RIC1: variants seen among roughly 807,000 people sequenced by gnomAD.
RIC1 encodes RIC1 partner of RAB6A GEF complex.
In RIC1, 88 loss-of-function variants were observed where a neutral mutation model predicts 169.0. The observed-to-expected ratio is 0.52, with a 90% CI of 0.44 to 0.62. The LOEUF (loss-of-function observed/expected upper bound fraction) is 0.62, where lower values mean the gene tolerates loss of function less well. RIC1 is among the 20% of genes least tolerant of loss of function. The pLI is 0.00. For missense variants in RIC1, 1,877 were observed against 1,725.5 expected, an observed-to-expected ratio of 1.09 and a Z score of -1.56; for synonymous variants, 790 against 601.5, an observed-to-expected ratio of 1.31 and a Z score of -4.59.
intron 17 of RIC1, among the ~76,000 whole-genome samples, chr9:5,758,777 ACT>A (rs1826163662): frequency 8.5e-6 from 1 of 117,646 alleles, no homozygotes; most frequent in Non-Finnish European, 1.6e-5. Flanking sequence ...ATGGAGTCTC[ACT>A]CTATCGCCAG....
intron 17 of RIC1, among the ~76,000 whole-genome samples, chr9:5,758,483 C>G (rs1826137411): frequency 6.6e-6 from 1 of 152,314 alleles, no homozygotes; most frequent in East Asian, 1.9e-4. Flanking sequence ...TTATATGAAT[C>G]TAAAATCAAT....
At chr9:5,717,587 A>T (rs865836604) in intron 4 of RIC1, among the ~76,000 whole-genome samples, 1 of 152,154 alleles carries the variant, frequency 6.6e-6, no homozygotes, top group African/African-American at 2.4e-5. Context: ...GCTCACACCT[A>T]TAATCCCAGC....
chr9:5,726,585 A>G (rs1362348711), intron 6 of RIC1, among the ~76,000 whole-genome samples: 1 of 152,152 alleles, frequency 6.6e-6, no homozygotes, highest in African/African-American at 2.4e-5. Context: ...TGTGAATTTG[A>G]TCCTGTCATT....
chr9:5,629,201 C>A lies in RIC1; in HGVS notation c.-109C>A. The A allele has an allele frequency of 8.6e-7, 1 of 1,164,592 alleles. No individual in the cohort carries two copies. 72.1% of individuals were successfully genotyped at this position (1,164,592 alleles called of 1,614,324 possible). A position where few individuals can be genotyped will look rare whatever the true frequency, so the allele number is the denominator to read the frequency against. ...AGCGGGCAGATGCCCCGAGCTGCCG[C>A]CGCCGCCGCCGCCGACTCGGCCGGT... On this transcript the variant is annotated 5_prime_UTR_variant, in exon 1 of 26. Coordinates refer to ENST00000414202, the MANE Select transcript of RIC1 (RefSeq NM_020829.4).
Position 5,724,082 on chromosome 9 carries a change from C to T in RIC1, c.720+3332C>T, listed in dbSNP as rs569001105. ...CATATGAACTTTAAAGTAGTTTTTTCCAACTCTGTGAAGAAAGTCATTGGT... is the reference window on the plus strand; with the variant it reads ...CATATGAACTTTAAAGTAGTTTTTTTCAACTCTGTGAAGAAAGTCATTGGT... On this transcript the variant is annotated intron_variant, in intron 6 of 25. Transcript: ENST00000414202. Among the ~76,000 whole-genome samples the T allele has an allele frequency of 2.6e-3, 395 of 152,198 alleles. 2 individuals carry two copies. Among genetic ancestry groups the T allele is most frequent in the Middle Eastern group, 3.4e-3 (1 of 294 alleles).
At position 5,649,508 on chromosome 9, in the gene RIC1, G is replaced by A. The variant is rs577435686; in HGVS notation, c.145-7075G>A. ...TTTTATTCCACTTAGTGAATTCTTCGGTTTGAGGATTTCTGTTTGGTTCCT... is the reference window on the plus strand; with the variant it reads ...TTTTATTCCACTTAGTGAATTCTTCAGTTTGAGGATTTCTGTTTGGTTCCT... On this transcript the variant is annotated intron_variant, in intron 1 of 25. Coordinates refer to ENST00000414202, the MANE Select transcript of RIC1 (RefSeq NM_020829.4). Among the ~76,000 whole-genome samples, 24 of 151,978 alleles carry A rather than the reference G, an allele frequency of 1.6e-4. No individual in the cohort carries two copies. In the South Asian group the frequency reaches 2.3e-3, roughly 14 times the overall value.
chr9:5,639,825 A>G (rs2130299314), intron 1 of RIC1, among the ~76,000 whole-genome samples: 1 of 152,348 alleles, frequency 6.6e-6, no homozygotes, highest in South Asian at 2.1e-4. Context: ...TTCTCAGTAT[A>G]TAATGACATT....
intron 1 of RIC1, among the ~76,000 whole-genome samples, chr9:5,636,305 G>T (rs1347047245): frequency 1.3e-5 from 2 of 152,022 alleles, no homozygotes; most frequent in African/African-American, 4.8e-5. Context: ...ACCATAAATG[G>T]TATTGTTTTC....
rs80330707 is a variant in RIC1, at chr9:5,762,856, A to G, written c.2112+196A>G. ...TCCCAAAATGATCATGAAATGTTCC[A>G]TACTCCATATGTTAACTGCTTAGGC... On this transcript the variant is annotated intron_variant, in intron 18 of 25. Transcript: ENST00000414202. Among the ~76,000 whole-genome samples, 1,123 of 152,332 alleles carry G rather than the reference A, an allele frequency of 7.4e-3. 21 individuals are homozygous for G. The highest frequency in any genetic ancestry group is 0.053 in the East Asian group (276 of 5,180).
chr9:5,693,566 A>G (rs1269705173), intron 3 of RIC1, among the ~76,000 whole-genome samples: 1 of 152,192 alleles, frequency 6.6e-6, no homozygotes, highest in Non-Finnish European at 1.5e-5. Flanking sequence ...TTAGTTACAC[A>G]GACCAGTGGA....
rs1827562168 is a variant in RIC1, at chr9:5,775,992, G to A, written c.*1746G>A. 1 of 152,106 alleles carries A rather than the reference G, an allele frequency of 6.6e-6. No individual in the cohort carries two copies. Among genetic ancestry groups the A allele is most frequent in the South Asian group, 2.1e-4 (1 of 4,828 alleles). The allele number at this position is 152,106 out of a possible 1,614,324, so 9.4% of individuals were successfully genotyped here. A position where few individuals can be genotyped will look rare whatever the true frequency, so the allele number is the denominator to read the frequency against. On this transcript the variant is annotated 3_prime_UTR_variant, in exon 26 of 26. Coordinates refer to ENST00000414202, the MANE Select transcript of RIC1 (RefSeq NM_020829.4). ...TCTTCTCCTATCCTAGTCCATTAAG[G>A]AGAAGAACCAGCATTGCTTTTGTGT...
intron 6 of RIC1, among the ~76,000 whole-genome samples, chr9:5,723,837 T>C (rs1270792082): frequency 6.6e-5 from 10 of 152,248 alleles, no homozygotes; most frequent in Admixed American, 2.6e-4. Context: ...GTTTCTTGTT[T>C]TTGTCAGGTT....
At chr9:5,641,479 G>A (rs923836950) in intron 1 of RIC1, among the ~76,000 whole-genome samples, 45 of 152,192 alleles carry the variant, frequency 3.0e-4, no homozygotes, top group African/African-American at 1.1e-3. Flanking sequence ...CTAGGTTTGG[G>A]AAGTTCTCTC....
rs1215438395 is a variant in RIC1 at position 5,724,572 on chromosome 9, T to C, written c.720+3822T>C. The stretch of plus-strand genomic sequence containing the variant: ...TTATTTCTTTCTTCTGCCTGATTGC[T>C]CTGGCCAGAACTTCCAACACTGTGT... On this transcript the variant is annotated intron_variant, in intron 6 of 25. Transcript: ENST00000414202. Among the ~76,000 whole-genome samples, 8 of 152,190 alleles carry C rather than the reference T, an allele frequency of 5.3e-5. 1 individual carries two copies. Among genetic ancestry groups the C allele is most frequent in the Admixed American group, 3.9e-4 (6 of 15,280 alleles).
In RIC1 at chr9:5,713,847, A is replaced by G. The variant is rs1272877232; in HGVS notation, c.333-49A>G. On this transcript the variant is annotated intron_variant, in intron 3 of 25. Coordinates refer to ENST00000414202, the MANE Select transcript of RIC1 (RefSeq NM_020829.4). ...TGATTGTATGTGTATTAGCCACAGAATGGAGGCAAATTCAGCATCTTTCTT... is the reference window on the plus strand; with the variant it reads ...TGATTGTATGTGTATTAGCCACAGAGTGGAGGCAAATTCAGCATCTTTCTT... The G allele has an allele frequency of 1.2e-5, 16 of 1,293,954 alleles. No homozygotes were observed. In the East Asian group the frequency reaches 2.8e-4, roughly 23 times the overall value. The allele number at this position is 1,293,954 out of a possible 1,614,324, so 80.2% of individuals were successfully genotyped here.
intron 3 of RIC1, among the ~76,000 whole-genome samples, chr9:5,696,882 T>C (rs993912398): frequency 6.6e-6 from 1 of 152,238 alleles, no homozygotes; most frequent in African/African-American, 2.4e-5. Context: ...GAGATCTTAC[T>C]GATCTTTTGA....
chr9:5,750,075 C>G (rs553261852), intron 12 of RIC1, among the ~76,000 whole-genome samples: 1 of 151,988 alleles, frequency 6.6e-6, no homozygotes, highest in Non-Finnish European at 1.5e-5. Context: ...CCGCACCCAG[C>G]CAAAGCAAGC....
At chr9:5,675,553 A>G (rs1015821623) in intron 2 of RIC1, among the ~76,000 whole-genome samples, 1 of 152,244 alleles carries the variant, frequency 6.6e-6, no homozygotes, top group Non-Finnish European at 1.5e-5. Context: ...ACTTACGACA[A>G]GTATAATTTC....
At chr9:5,657,424 A>T (rs975134791) in intron 2 of RIC1, among the ~76,000 whole-genome samples, 3 of 152,138 alleles carry the variant, frequency 2.0e-5, no homozygotes, top group African/African-American at 7.2e-5. Context: ...GATGAGTACA[A>T]TTGTAATCAG....
Sources: allele counts gnomAD v4.1 joint callset (sites outside exome capture counted in the v4.1 genomes callset), GRCh38; gene constraint gnomAD v4.1.1; transcripts MANE v1.5; gene names NCBI Gene and HGNC (gene_info 2026-07-23, HGNC 2026-07-21).